The following GDA variants were observed in gnomAD, a reference collection of about 807,000 sequenced individuals.
GDA encodes guanine deaminase, also known as cytoplasmic PSD-95 interactor.
GDA carries 18 observed loss-of-function variants against 59.6 expected under a neutral mutation model. The ratio of observed to expected loss-of-function variants is 0.30; its 90% CI spans 0.21 to 0.45. The LOEUF (loss-of-function observed/expected upper bound fraction) is 0.45. Among genes scored for constraint, GDA ranks in the 20% least tolerant of loss-of-function variants. The probability of loss-of-function intolerance (pLI) is 1.00; values close to 1 mark genes in which losing one functional copy is unlikely to be tolerated. For missense variants in GDA, 427 were observed against 552.3 expected (o/e 0.77, Z 2.27); for synonymous variants, 201 against 201.1 (o/e 1.00, Z 0.00).
chr9:72,204,825 T>C (rs1834469455), intron 3 of GDA, among the ~76,000 whole-genome samples: 1 of 152,118 alleles, frequency 6.6e-6, no homozygotes, highest in African/African-American at 2.4e-5. Context: ...CCGAGTGTGA[T>C]GGTGGTTTAA....
chr9:72,161,530 T>G (rs1828633052), intron 1 of GDA, among the ~76,000 whole-genome samples: 3 of 152,064 alleles, frequency 2.0e-5, no homozygotes, highest in Non-Finnish European at 4.4e-5. Flanking sequence ...CCTAGAAGAG[T>G]ACATTTTAAT....
At chr9:72,204,821 G>A (rs141507285) in intron 3 of GDA, among the ~76,000 whole-genome samples, 82 of 152,246 alleles carry the variant, frequency 5.4e-4, no homozygotes, top group Admixed American at 1.6e-3. Flanking sequence ...CAGGCCGAGT[G>A]TGATGGTGGT....
chr9:72,151,836 C>G (rs1386443924), intron 1 of GDA, among the ~76,000 whole-genome samples: 1 of 152,088 alleles, frequency 6.6e-6, no homozygotes, highest in African/African-American at 2.4e-5. Context: ...ATCTCCTGAC[C>G]TCGTGATCCC....
At chr9:72,232,792 A>C (rs575738579) in intron 10 of GDA, among the ~76,000 whole-genome samples, 1 of 152,350 alleles carries the variant, frequency 6.6e-6, no homozygotes, top group South Asian at 2.1e-4. Context: ...TTAATTTTCT[A>C]GTAGTTTTTA....
intron 1 of GDA, 42 bp downstream of exon 1, chr9:72,149,724 G>T: frequency 6.4e-7 from 1 of 1,557,942 alleles, no homozygotes; most frequent in Non-Finnish European, 8.7e-7. Flanking sequence ...CGGGCGGGAG[G>T]ATAGGTGCAA....
chr9:72,255,122 C>G (rs1840855372), downstream of GDA, among the ~76,000 whole-genome samples: 1 of 152,174 alleles, frequency 6.6e-6, no homozygotes, highest in Non-Finnish European at 1.5e-5. Flanking sequence ...CCCTACAGAG[C>G]AGGGCTAACT....
At chr9:72,130,676 G>A (rs1405304338) in intron 1 of GDA, among the ~76,000 whole-genome samples, 1 of 152,164 alleles carries the variant, frequency 6.6e-6, no homozygotes, top group Non-Finnish European at 1.5e-5. Context: ...TGGCTAAAGA[G>A]TTACAGGAAT....
chr9:72,258,571 T>C (rs1840910211), downstream of GDA, among the ~76,000 whole-genome samples: 1 of 152,232 alleles, frequency 6.6e-6, no homozygotes, highest in South Asian at 2.1e-4. Context: ...ATGGGGCAGC[T>C]GGCCCCAAAG....
At chr9:72,214,140 G>A (rs886284694) in intron 5 of GDA, 149 bp downstream of exon 5, 3 of 579,104 alleles carry the variant, frequency 5.2e-6, no homozygotes, top group Non-Finnish European at 9.3e-6. Context: ...TAATGCAATG[G>A]GTCGGTTAGT....
intron 11 of GDA, among the ~76,000 whole-genome samples, chr9:72,244,110 C>T (rs1047594256): frequency 6.6e-6 from 1 of 150,434 alleles, no homozygotes; most frequent in African/African-American, 2.4e-5. Context: ...CCAGGAGGCA[C>T]AGCTTGCAGT....
At chr9:72,152,417 A>G (rs1827327221) in intron 1 of GDA, among the ~76,000 whole-genome samples, 1 of 152,256 alleles carries the variant, frequency 6.6e-6, no homozygotes, top group Admixed American at 6.5e-5. Flanking sequence ...AGCAAAATAC[A>G]GAGTTATACT....
chr9:72,247,279 T>A (rs1840250226), intron 12 of GDA, 127 bp from the exon 13 acceptor site: 3 of 731,178 alleles, frequency 4.1e-6, no homozygotes, highest in Admixed American at 3.9e-5. Context: ...TTTTAATTAA[T>A]AGAAGTAGAT....
intron 1 of GDA, among the ~76,000 whole-genome samples, chr9:72,190,738 C>G (rs1014121964): frequency 1.3e-5 from 2 of 151,994 alleles, no homozygotes; most frequent in African/African-American, 2.4e-5. Flanking sequence ...TACTTGAAAG[C>G]CTTCTGTTGA....
chr9:72,230,632 C>T (rs1431234643), intron 9 of GDA, among the ~76,000 whole-genome samples: 1 of 151,972 alleles, frequency 6.6e-6, no homozygotes, highest in African/African-American at 2.4e-5. Flanking sequence ...CAGGTCCTGA[C>T]TTTTTAGGCT....
At chr9:72,254,459 C>A (rs901952277), downstream of GDA, among the ~76,000 whole-genome samples, 5 of 150,754 alleles carry the variant, frequency 3.3e-5, no homozygotes, top group Non-Finnish European at 5.9e-5. Flanking sequence ...AAAAAAAAAA[C>A]AAAAAAACAA....
At chr9:72,166,753 C>T (rs114017402) in intron 1 of GDA, among the ~76,000 whole-genome samples, 2,371 of 152,072 alleles carry the variant, frequency 0.016, 64 homozygotes, top group African/African-American at 0.055. Context: ...CCTTTTTGTT[C>T]ACACTCTTAA....
chr9:72,139,670 T>A (rs1826373074), intron 1 of GDA, among the ~76,000 whole-genome samples: 2 of 150,448 alleles, frequency 1.3e-5, no homozygotes, highest in Non-Finnish European at 2.9e-5. Context: ...TAAAAAAAAA[T>A]GCTCCATTAT....
intron 12 of GDA, among the ~76,000 whole-genome samples, chr9:72,246,443 C>T (rs763897639): frequency 9.2e-5 from 14 of 152,158 alleles, no homozygotes; most frequent in Non-Finnish European, 1.6e-4. Flanking sequence ...CCACTGTACC[C>T]GGCCTATTTA....
chr9:72,254,338 A>C (rs1266122452), downstream of GDA, among the ~76,000 whole-genome samples: 2 of 152,196 alleles, frequency 1.3e-5, no homozygotes, highest in Non-Finnish European at 2.9e-5. Flanking sequence ...AGGAGTATAG[A>C]TAGAGAGATA....
Sources: allele counts gnomAD v4.1 joint callset (sites outside exome capture counted in the v4.1 genomes callset), GRCh38; gene constraint gnomAD v4.1.1; transcripts MANE v1.5; gene names NCBI Gene and HGNC (gene_info 2026-07-23, HGNC 2026-07-21).